The following NBEA variants were observed in gnomAD, a reference collection of about 807,000 sequenced individuals.
NBEA encodes lysosomal-trafficking regulator 2.
A neutral mutation model predicts 343.4 loss-of-function variants in NBEA; 44 were observed. The ratio of observed to expected loss-of-function variants is 0.13; its 90% CI spans 0.10 to 0.16. NBEA has a LOEUF of 0.16. Ranked by LOEUF, NBEA falls within the 10% of genes least tolerant of loss-of-function variation. The pLI, the probability that NBEA is intolerant of heterozygous loss-of-function variation, is 1.00. For synonymous variants in NBEA, 1,175 were observed against 1,238.7 expected, an observed-to-expected ratio of 0.95 and a Z score of 1.08; for missense variants, 2,555 against 3,631.3, an observed-to-expected ratio of 0.70 and a Z score of 7.62.
chr13:35,517,717 C>T (rs1051340888), intron 41 of NBEA, among the ~76,000 whole-genome samples: 2 of 152,154 alleles, frequency 1.3e-5, no homozygotes, highest in Non-Finnish European at 2.9e-5. Flanking sequence ...ATCTTTGAAT[C>T]TCCAATCAAT....
intron 30 of NBEA, among the ~76,000 whole-genome samples, chr13:35,187,175 T>C (rs1347776178): frequency 6.6e-6 from 1 of 151,966 alleles, no homozygotes; most frequent in Non-Finnish European, 1.5e-5. Context: ...TTTTCACAAA[T>C]AGTTTGAGAA....
At chr13:35,443,134 T>G (rs898690416) in intron 39 of NBEA, among the ~76,000 whole-genome samples, 19 of 152,124 alleles carry the variant, frequency 1.2e-4, no homozygotes, top group Non-Finnish European at 2.2e-4. Context: ...ATTCCCAGAT[T>G]GCTAATGCTG....
intron 34 of NBEA, among the ~76,000 whole-genome samples, chr13:35,256,559 A>G (rs1042631158): frequency 2.0e-5 from 3 of 152,094 alleles, no homozygotes; most frequent in South Asian, 4.1e-4. Context: ...TCTTCCTCCT[A>G]CGCCGTCAAC....
At chr13:35,373,108 C>G (rs2041538575) in intron 38 of NBEA, among the ~76,000 whole-genome samples, 1 of 152,114 alleles carries the variant, frequency 6.6e-6, no homozygotes, top group Non-Finnish European at 1.5e-5. Context: ...CACCCTTTTC[C>G]CATACTGGGA....
intron 36 of NBEA, among the ~76,000 whole-genome samples, chr13:35,342,631 G>A (rs944870127): frequency 6.6e-6 from 1 of 151,930 alleles, no homozygotes; most frequent in African/African-American, 2.4e-5. Flanking sequence ...GACAATATTG[G>A]GCAATAGCTT....
Position 34,965,748 on chromosome 13 carries a change from G to A in NBEA, c.294+22634G>A, listed in dbSNP as rs550293488. 1.2e-4 allele frequency among the ~76,000 whole-genome samples: 19 copies of A among 152,060 alleles called. No individual in the cohort carries two copies. In the South Asian group the frequency reaches 2.7e-3, roughly 22 times the overall value. ...CAGTTGCCATGATCAAGGTCTCCTG[G>A]ATGACAAGGGGTGGGAGGAGGAGAA... On this transcript the variant is annotated intron_variant, in intron 1 of 58. Transcript: ENST00000379939.
At chr13:35,402,412 A>G (rs2043042594) in intron 38 of NBEA, among the ~76,000 whole-genome samples, 1 of 152,078 alleles carries the variant, frequency 6.6e-6, no homozygotes, top group Non-Finnish European at 1.5e-5. Context: ...AAAGATTGCC[A>G]TATGGATGCT....
chr13:35,573,321 C>T (rs2080536998), intron 45 of NBEA, among the ~76,000 whole-genome samples: 1 of 152,108 alleles, frequency 6.6e-6, no homozygotes, highest in Non-Finnish European at 1.5e-5. Context: ...GATACAAAGG[C>T]AATAAGACTT....
rs1476057180 is a variant in NBEA at position 35,205,699 on chromosome 13, C to T, written c.5367-3001C>T. Among the ~76,000 whole-genome samples, 3 of 151,882 alleles carry T rather than the reference C, an allele frequency of 2.0e-5. No individual in the cohort carries two copies. The East Asian group carries it at 5.8e-4, about 29-fold the overall frequency. ...GTCTGGGTATTTTTGCTGATATAGACCCAGACTATATCAGCACTTTTGGGA... is the reference window on the plus strand; with the variant it reads ...GTCTGGGTATTTTTGCTGATATAGATCCAGACTATATCAGCACTTTTGGGA... On this transcript the variant is annotated intron_variant, in intron 31 of 58. Coordinates refer to ENST00000379939, the MANE Select transcript of NBEA (RefSeq NM_001385012.1).
intron 36 of NBEA, among the ~76,000 whole-genome samples, chr13:35,340,715 G>C (rs1242888046): frequency 6.6e-6 from 1 of 151,842 alleles, no homozygotes; most frequent in African/African-American, 2.4e-5. Flanking sequence ...CAACATTATT[G>C]AATTTCTTTC....
intron 50 of NBEA, 80 bp from the exon 51 acceptor site, chr13:35,646,179 A>T: frequency 9.2e-7 from 1 of 1,082,224 alleles, no homozygotes; most frequent in Non-Finnish European, 1.4e-6. Context: ...GACTTGGGAT[A>T]CACTTGCGTT....
At chr13:35,426,124 A>G (rs552255691) in intron 38 of NBEA, among the ~76,000 whole-genome samples, 7 of 152,162 alleles carry the variant, frequency 4.6e-5, no homozygotes, top group Non-Finnish European at 1.0e-4. Flanking sequence ...GTTTCTTTTA[A>G]TTGGAGCATT....
At chr13:35,388,775 GA>G (rs2042366109) in intron 38 of NBEA, among the ~76,000 whole-genome samples, 2 of 152,266 alleles carry the variant, frequency 1.3e-5, no homozygotes, top group African/African-American at 4.8e-5. Context: ...GCACATCTGG[GA>G]ATACCAAGTA....
At position 35,197,228 on chromosome 13, in the gene NBEA, C is replaced by G. The variant is rs149623524; in HGVS notation, c.5366+926C>G. On this transcript the variant is annotated intron_variant, in intron 31 of 58. Coordinates refer to ENST00000379939, the MANE Select transcript of NBEA (RefSeq NM_001385012.1). ...ATTAACTGAAAAATGTGATGGCTTA[C>G]CTTTTAAAGTAAATCATTGTTATTG... Among the ~76,000 whole-genome samples, 318 of 152,084 alleles carry G rather than the reference C, an allele frequency of 2.1e-3. 1 individual carries two copies. Among genetic ancestry groups the G allele is most frequent in the African/African-American group, 7.1e-3 (295 of 41,504 alleles).
At chr13:35,172,024 C>T (rs922827756) in intron 26 of NBEA, among the ~76,000 whole-genome samples, 1 of 152,012 alleles carries the variant, frequency 6.6e-6, no homozygotes, top group African/African-American at 2.4e-5. Flanking sequence ...TTCTACCTCT[C>T]TTAAAAGGAA....
chr13:34,983,981 T>A (rs930050147), intron 1 of NBEA, among the ~76,000 whole-genome samples: 1 of 152,212 alleles, frequency 6.6e-6, no homozygotes, highest in Non-Finnish European at 1.5e-5. Flanking sequence ...CTGTTCACTC[T>A]GATGGTAGTT....
chr13:35,100,747 A>G (rs578012629), intron 11 of NBEA, among the ~76,000 whole-genome samples: 1 of 152,004 alleles, frequency 6.6e-6, no homozygotes, highest in East Asian at 1.9e-4. Flanking sequence ...TTGTGGTTTT[A>G]ATTTGCACTT....
chr13:35,628,973 C>CA (rs1285236569), intron 49 of NBEA, among the ~76,000 whole-genome samples: 18 of 152,224 alleles, frequency 1.2e-4, no homozygotes, highest in African/African-American at 4.3e-4. Flanking sequence ...ACAGAATACT[C>CA]AAAAACATGC....
intron 6 of NBEA, 121 bp downstream of exon 6, chr13:35,050,516 A>G (rs1232975070): frequency 3.5e-5 from 37 of 1,053,810 alleles, no homozygotes; most frequent in Non-Finnish European, 4.9e-5. Flanking sequence ...GTTTTCTCTT[A>G]TCCTTGTCTG....
Sources: allele counts gnomAD v4.1 joint callset (sites outside exome capture counted in the v4.1 genomes callset), GRCh38; gene constraint gnomAD v4.1.1; transcripts MANE v1.5; gene names NCBI Gene and HGNC (gene_info 2026-07-23, HGNC 2026-07-21).